The following KIAA1958 variants were observed in gnomAD, a reference collection of about 807,000 sequenced individuals.
KIAA1958 encodes the protein KIAA1958, also known as uncharacterized protein KIAA1958.
KIAA1958 carries 14 observed loss-of-function variants against 47.2 expected under a neutral mutation model. The observed-to-expected ratio is 0.30, with a 90% CI of 0.20 to 0.46. The LOEUF is 0.46. Ranked by LOEUF, KIAA1958 falls within the 20% of genes least tolerant of loss-of-function variation. The probability of loss-of-function intolerance (pLI) is 1.00; values close to 1 mark genes in which losing one functional copy is unlikely to be tolerated. For synonymous variants in KIAA1958, 354 were observed against 353.3 expected (o/e 1.00, Z -0.02); for missense variants, 803 against 909.2 (o/e 0.88, Z 1.50).
At chr9:112,511,020 CAA>C (rs1834317692) in intron 1 of KIAA1958, among the ~76,000 whole-genome samples, 1 of 151,762 alleles carries the variant, frequency 6.6e-6, no homozygotes, top group Non-Finnish European at 1.5e-5. Flanking sequence ...GATGGTGTGT[CAA>C]GAGAGGTAGG....
At chr9:112,635,214 TTGTGTGTGTGTGTG>T (rs71999105) in intron 2 of KIAA1958, among the ~76,000 whole-genome samples, 107 of 130,434 alleles carry the variant, frequency 8.2e-4, no homozygotes, top group African/African-American at 1.9e-3. Context: ...ATTCTTTATT[TTGTGTGTGTGTGTG>T]TGTGTGTGTG....
At chr9:112,524,514 T>C (rs1430746793) in intron 1 of KIAA1958, among the ~76,000 whole-genome samples, 1 of 152,228 alleles carries the variant, frequency 6.6e-6, no homozygotes, top group African/African-American at 2.4e-5. Context: ...AAGTATGCAA[T>C]TCAGTGGCAT....
intron 2 of KIAA1958, among the ~76,000 whole-genome samples, chr9:112,623,212 C>T (rs1176912437): frequency 6.6e-6 from 1 of 152,186 alleles, no homozygotes; most frequent in African/African-American, 2.4e-5. Flanking sequence ...ACAGATCTGT[C>T]ATCAATGACT....
intron 1 of KIAA1958, among the ~76,000 whole-genome samples, chr9:112,539,702 G>A (rs537816125): frequency 7.9e-5 from 12 of 151,886 alleles, no homozygotes; most frequent in African/African-American, 2.9e-4. Flanking sequence ...CGGGGGTGGG[G>A]GTTGGGTGCA....
chr9:112,591,953 A>G (rs1315812688), intron 2 of KIAA1958, among the ~76,000 whole-genome samples: 1 of 152,162 alleles, frequency 6.6e-6, no homozygotes, highest in Non-Finnish European at 1.5e-5. Context: ...AAGGGAGGGA[A>G]AGGGGTTCTT....
chr9:112,580,814 A>G (rs1219431120), intron 2 of KIAA1958, among the ~76,000 whole-genome samples: 1 of 152,022 alleles, frequency 6.6e-6, no homozygotes, highest in Admixed American at 6.6e-5. Context: ...AGAAAGAAAC[A>G]AGACTAAAAT....
chr9:112,527,684 C>T (rs1008626861), intron 1 of KIAA1958, among the ~76,000 whole-genome samples: 1 of 152,066 alleles, frequency 6.6e-6, no homozygotes, highest in African/African-American at 2.4e-5. Context: ...CTCCTGTAAT[C>T]CCAGCACTTT....
intron 1 of KIAA1958, among the ~76,000 whole-genome samples, chr9:112,529,330 G>A (rs1834712859): frequency 6.6e-6 from 1 of 152,176 alleles, no homozygotes; most frequent in African/African-American, 2.4e-5. Context: ...TATAATTAAT[G>A]AACCGATATT....
intron 1 of KIAA1958, among the ~76,000 whole-genome samples, chr9:112,513,066 G>A (rs1420901989): frequency 1.5e-5 from 2 of 133,954 alleles, no homozygotes; most frequent in East Asian, 2.3e-4. Flanking sequence ...GTGCAGTGGC[G>A]CGATCTCGGC....
At chr9:112,636,426 T>C (rs971889190) in intron 2 of KIAA1958, among the ~76,000 whole-genome samples, 1 of 152,240 alleles carries the variant, frequency 6.6e-6, no homozygotes, top group Middle Eastern at 3.4e-3. Flanking sequence ...TTCACATCTA[T>C]ATCTATACTG....
intron 1 of KIAA1958, among the ~76,000 whole-genome samples, chr9:112,493,322 A>G (rs913805991): frequency 6.6e-6 from 1 of 152,104 alleles, no homozygotes; most frequent in African/African-American, 2.4e-5. Context: ...GGATATATTC[A>G]CTTAATTTTC....
At chr9:112,607,749 C>CAAAAAA (rs367932637) in intron 2 of KIAA1958, among the ~76,000 whole-genome samples, 2 of 118,870 alleles carry the variant, frequency 1.7e-5, no homozygotes, top group African/African-American at 3.2e-5. Context: ...ATATCCAAGA[C>CAAAAAA]AAAAAAAAAA....
chr9:112,643,204 T>C (rs1254092020), intron 2 of KIAA1958, among the ~76,000 whole-genome samples: 1 of 152,208 alleles, frequency 6.6e-6, no homozygotes, highest in Non-Finnish European at 1.5e-5. Flanking sequence ...TCTTTCACTG[T>C]AGTGACTCAA....
intron 1 of KIAA1958, among the ~76,000 whole-genome samples, chr9:112,535,810 A>C (rs969895114): frequency 6.6e-6 from 1 of 151,546 alleles, no homozygotes; most frequent in South Asian, 2.1e-4. Context: ...TAGTGGTTTT[A>C]ATTTGCACTT....
intron 1 of KIAA1958, among the ~76,000 whole-genome samples, chr9:112,511,750 TA>T (rs1418501996): frequency 3.3e-5 from 5 of 152,232 alleles, no homozygotes; most frequent in Non-Finnish European, 5.9e-5. Context: ...GAAGCTTAAT[TA>T]AAAAAATTTT....
Position 112,562,335 on chromosome 9 carries a change from A to G in KIAA1958, c.-24-11722A>G, listed in dbSNP as rs79830002. Among the ~76,000 whole-genome samples, 754 of 152,306 alleles carry G rather than the reference A, an allele frequency of 5.0e-3. 39 individuals carry two copies. In the East Asian group the frequency reaches 0.13, roughly 25 times the overall value. ...TAAGGAAACTAAGGGACCGAGAGGT[A>G]AAATAACTTGCCCAAGGTCACATAG... On this transcript the variant is annotated intron_variant, in intron 1 of 3. Coordinates refer to ENST00000337530, the MANE Select transcript of KIAA1958 (RefSeq NM_133465.4).
At chr9:112,566,559 A>C (rs866808862) in intron 1 of KIAA1958, among the ~76,000 whole-genome samples, 20 of 152,206 alleles carry the variant, frequency 1.3e-4, no homozygotes, top group African/African-American at 4.8e-4. Flanking sequence ...GTGTTCAAGA[A>C]CACAGTGAAC....
At position 112,645,765 on chromosome 9, in the gene KIAA1958, T is replaced by TA; in HGVS notation, c.1287_1288insA (p.Val430SerfsTer90). 6.2e-7 allele frequency: 1 copy of TA among 1,614,180 alleles called. No homozygotes were observed. The highest frequency in any genetic ancestry group is 8.5e-7 in the Non-Finnish European group (1 of 1,180,018). On this transcript the variant is annotated frameshift_variant, in exon 3 of 4. Transcript: ENST00000337530. LOFTEE classifies it high-confidence loss of function. ...CCAAAGCCACGCGGTACGCCTTGAA[T>TA]GTGTGGCGTTATTGGTGCATGACCA...
At chr9:112,525,825 G>A (rs1340736536) in intron 1 of KIAA1958, among the ~76,000 whole-genome samples, 1 of 150,638 alleles carries the variant, frequency 6.6e-6, no homozygotes, top group East Asian at 1.9e-4. Flanking sequence ...ACTGAATCTG[G>A]GTGAGCATAG....
Sources: gnomAD v4.1 joint callset for allele counts (sites outside exome capture counted in the v4.1 genomes callset) on GRCh38, gnomAD v4.1.1 for gene constraint, MANE v1.5 for transcripts, NCBI Gene and HGNC (gene_info 2026-07-23, HGNC 2026-07-21) for gene names.